Variants in MS4A8 observed in about 807,000 individuals in gnomAD.
MS4A8 encodes membrane spanning 4-domains A8, also known as membrane-spanning 4-domains subfamily A member 8.
MS4A8 carries 27 observed loss-of-function variants against 23.7 expected under a neutral mutation model. The ratio of observed to expected loss-of-function variants is 1.14; its 90% CI spans 0.84 to 1.57. The LOEUF is 1.57. Among genes scored for constraint, MS4A8 ranks in the 40% most tolerant of loss-of-function variants. The pLI, the probability that MS4A8 is intolerant of heterozygous loss-of-function variation, is 0.00. For synonymous variants in MS4A8, 138 were observed against 126.3 expected (o/e 1.09, Z -0.62); for missense variants, 301 against 311.4 (o/e 0.97, Z 0.25).
At chr11:60,714,957 A>G (rs1281554002) in intron 5 of MS4A8, 64 bp from the exon 6 acceptor site, 11 of 1,128,344 alleles carry the variant, frequency 9.7e-6, no homozygotes, top group Non-Finnish European at 1.5e-5. Flanking sequence ...GCAGGGCCCC[A>G]GTGAGAGGTC....
intron 2 of MS4A8, chr11:60,701,486 A>C: frequency 2.7e-6 from 1 of 365,654 alleles, no homozygotes. Flanking sequence ...TAGGCAACCA[A>C]CAACATAAAT....
intron 4 of MS4A8, among the ~76,000 whole-genome samples, chr11:60,707,553 C>T (rs376567795): frequency 6.6e-6 from 1 of 152,172 alleles, no homozygotes; most frequent in African/African-American, 2.4e-5. Context: ...AGCAACAGAC[C>T]AAGAAATACC....
rs1425329446 is a variant in MS4A8, at chr11:60,706,245, T to C, written c.343-743T>C. Among the ~76,000 whole-genome samples, 3 of 152,220 alleles carry C rather than the reference T, an allele frequency of 2.0e-5. 1 individual carries two copies. The highest frequency in any genetic ancestry group is 4.4e-5 in the Non-Finnish European group (3 of 68,032). On this transcript the variant is annotated intron_variant, in intron 3 of 6. Coordinates refer to ENST00000300226, the MANE Select transcript of MS4A8 (RefSeq NM_031457.2). ...GGTAGCTCCTATTAAATATAGCTCA[T>C]GCCCTCTCATACCACTCTTGCTAGC... is the stretch of plus-strand genomic sequence containing the variant.
chr11:60,708,769 C>A lies in MS4A8; in HGVS notation c.522C>A (p.Tyr174Ter). 1.9e-6 allele frequency: 3 copies of A among 1,613,972 alleles called. No individual in the cohort carries two copies. Among genetic ancestry groups the A allele is most frequent in the Non-Finnish European group, 2.5e-6 (3 of 1,179,888 alleles). ...HPYAYPDYYP[Y>*]AWGVNPGMAI... ...ATGCCTACCCCGACTATTATCCTTA[C>A]GCCTGGGGTGTGGTGAGTATCCCTC... The change falls in exon 5 of 7, where the codon TAC becomes TAA. Residue 174 changes from tyrosine (Y) to a stop codon, truncating the protein, a stop_gained. Transcript: ENST00000300226. LOFTEE classifies it high-confidence loss of function.
rs1426906759 is a variant in MS4A8, at chr11:60,700,868, C to T, written c.8C>T (p.Ser3Leu). Residue 3 changes from serine (S) to leucine (L), a missense_variant, in exon 2 of 7, where the codon TCG becomes TTG. Transcript: ENST00000300226. MN[S>L]MTSAVPVANS... ...CATTTATTTCTTGGCAGCATGAATT[C>T]GATGACTTCAGCAGTTCCGGTGGCC... 2.5e-6 allele frequency: 4 copies of T among 1,614,052 alleles called. 1 individual carries two copies. In the South Asian group the frequency reaches 3.3e-5, roughly 13 times the overall value.
chr11:60,710,816 C>T (rs929605608), intron 5 of MS4A8, among the ~76,000 whole-genome samples: 2 of 152,318 alleles, frequency 1.3e-5, no homozygotes, highest in East Asian at 1.9e-4. Context: ...TGCTGAACCA[C>T]GGGAACCTCC....
chr11:60,707,847 T>TGA (rs2088270230), intron 4 of MS4A8, among the ~76,000 whole-genome samples: 1 of 131,856 alleles, frequency 7.6e-6, no homozygotes, highest in Non-Finnish European at 1.6e-5. Context: ...TGTGTGTGTG[T>TGA]GAGACAGAGT....
chr11:60,712,687 G>A (rs983262636), intron 5 of MS4A8: 23 of 165,864 alleles, frequency 1.4e-4, no homozygotes, highest in Non-Finnish European at 2.0e-4. Context: ...CCAGCTACTC[G>A]GGAGGCTGAG....
chr11:60,713,231 G>A (rs2088314321), intron 5 of MS4A8, among the ~76,000 whole-genome samples: 1 of 152,116 alleles, frequency 6.6e-6, no homozygotes, highest in African/African-American at 2.4e-5. Context: ...TTTCTCGTTA[G>A]GTGGAACAAG....
Position 60,708,805 on chromosome 11 carries a change from A to T in MS4A8, c.534+24A>T, listed in dbSNP as rs374475301. Reference sequence around the variant, plus strand: ...TGGTGAGTATCCCTCTCAACCAAAGATCCTCTAAGTTCTGAATTAGCTACA... The same window carrying T: ...TGGTGAGTATCCCTCTCAACCAAAGTTCCTCTAAGTTCTGAATTAGCTACA... On this transcript the variant is annotated intron_variant, in intron 5 of 6. Coordinates refer to ENST00000300226, the MANE Select transcript of MS4A8 (RefSeq NM_031457.2). The T allele has an allele frequency of 4.3e-6, 7 of 1,613,478 alleles. No individual in the cohort carries two copies. The South Asian group carries it at 5.5e-5, about 13-fold the overall frequency.
intron 4 of MS4A8, among the ~76,000 whole-genome samples, chr11:60,708,194 A>G (rs536541229): frequency 1.3e-4 from 20 of 152,250 alleles, no homozygotes; most frequent in African/African-American, 4.3e-4. Flanking sequence ...TGCTCAATGA[A>G]GATAGTTACA....
chr11:60,704,203 C>G (rs1259557489), intron 3 of MS4A8, among the ~76,000 whole-genome samples: 1 of 151,022 alleles, frequency 6.6e-6, no homozygotes, highest in Admixed American at 6.6e-5. Flanking sequence ...TCACCGCAAC[C>G]TCCCCCTCCC....
At chr11:60,703,811 G>T (rs939269161) in intron 3 of MS4A8, among the ~76,000 whole-genome samples, 1 of 152,190 alleles carries the variant, frequency 6.6e-6, no homozygotes, top group Admixed American at 6.5e-5. Flanking sequence ...TCCTTGGCTT[G>T]CAGAAGGTCG....
At chr11:60,711,834 G>T (rs1392150934) in intron 5 of MS4A8, 2 of 456,116 alleles carry the variant, frequency 4.4e-6, no homozygotes, top group Admixed American at 4.7e-5. Context: ...TCTTAGTTCT[G>T]CCAATGATTG....
At chr11:60,700,501 G>A (rs547792821) in intron 1 of MS4A8, among the ~76,000 whole-genome samples, 9 of 152,130 alleles carry the variant, frequency 5.9e-5, no homozygotes, top group African/African-American at 9.6e-5. Context: ...AGCCAAGATC[G>A]TACCACTGCA....
chr11:60,713,582 T>C (rs1281639705), intron 5 of MS4A8, among the ~76,000 whole-genome samples: 1 of 152,082 alleles, frequency 6.6e-6, no homozygotes, highest in Non-Finnish European at 1.5e-5. Flanking sequence ...TCTCAGTAAA[T>C]GGAATATACA....
chr11:60,700,783 C>T, intron 1 of MS4A8, 77 bp from the exon 2 acceptor site: 3 of 1,426,884 alleles, frequency 2.1e-6, no homozygotes, highest in Non-Finnish European at 3.0e-6. Context: ...CTCCAATGAG[C>T]TAGAAGAAGC....
Position 60,708,715 on chromosome 11 carries a change from C to T in MS4A8, c.468C>T (p.Phe156=), listed in dbSNP as rs1264962659. ...GCTCTGCAGTTGGAGTCATACTCTT[C>T]ATCACAGATCTAAGTATTCCCCACC... ...AICSAVGVIL[F]ITDLSIPHPY... is the part of the protein sequence containing the mutation. The change falls in exon 5 of 7, where the codon TTC becomes TTT. Residue 156 remains phenylalanine (F), a synonymous_variant. Transcript: ENST00000300226. 6.2e-7 allele frequency: 1 copy of T among 1,610,318 alleles called. No homozygotes were observed. Among genetic ancestry groups the T allele is most frequent in the East Asian group, 2.2e-5 (1 of 44,826 alleles).
chr11:60,702,836 A>G (rs1176256656), intron 2 of MS4A8, among the ~76,000 whole-genome samples: 1 of 152,260 alleles, frequency 6.6e-6, no homozygotes, highest in African/African-American at 2.4e-5. Context: ...ACTCAGCATT[A>G]GAATTTCAAC....
Sources: gnomAD v4.1 joint callset for allele counts (sites outside exome capture counted in the v4.1 genomes callset) on GRCh38, gnomAD v4.1.1 for gene constraint, MANE v1.5 for transcripts, NCBI Gene and HGNC (gene_info 2026-07-23, HGNC 2026-07-21) for gene names.